Variants in TOP2A observed in about 807,000 individuals in gnomAD.
The protein encoded by TOP2A is DNA topoisomerase 2-alpha.
Under a neutral mutation model 187.2 loss-of-function variants are expected in TOP2A, and 68 were observed. The observed-to-expected ratio is 0.36, with a 90% CI of 0.30 to 0.44. TOP2A has a LOEUF of 0.44. Ranked by LOEUF, TOP2A falls within the 20% of genes least tolerant of loss-of-function variation. TOP2A has a pLI of 1.00. For missense variants in TOP2A, 1,196 were observed against 1,808.7 expected, an observed-to-expected ratio of 0.66 and a Z score of 6.14; for synonymous variants, 542 against 593.2, an observed-to-expected ratio of 0.91 and a Z score of 1.25.
chr17:40,407,912 T>G (rs2035267999), intron 12 of TOP2A, 55 bp downstream of exon 12: 5 of 1,510,262 alleles, frequency 3.3e-6, no homozygotes, highest in Non-Finnish European at 4.5e-6. Context: ...AATATAAGCA[T>G]AAAGTCTTGT....
chr17:40,403,375 A>G (rs1002068103), intron 19 of TOP2A, among the ~76,000 whole-genome samples: 2 of 152,160 alleles, frequency 1.3e-5, no homozygotes, highest in African/African-American at 2.4e-5. Flanking sequence ...TTTATTCTAT[A>G]GCTGTGTGTG....
chr17:40,416,696 A>T (rs1007802059), intron 2 of TOP2A, 44 bp downstream of exon 2: 3 of 1,590,968 alleles, frequency 1.9e-6, no homozygotes, highest in African/African-American at 2.7e-5. Flanking sequence ...AAGAGTATCC[A>T]TTTCAACTAC....
chr17:40,410,642 C>T (rs1482878128), intron 10 of TOP2A: 1 of 456,200 alleles, frequency 2.2e-6, no homozygotes, highest in Admixed American at 2.4e-5. Context: ...TTCTTATTGA[C>T]CGGATTAGAG....
Position 40,411,396 on chromosome 17 carries a change from CACA to C in TOP2A, c.1020_1022del (p.Val341del), listed in dbSNP as rs1162681310. 1.2e-6 allele frequency: 2 copies of C among 1,613,856 alleles called. No homozygotes were observed. The highest frequency in any genetic ancestry group is 1.3e-5 in the African/African-American group (1 of 75,034). ...CAACACCACCCTTGTTCTTCTTCTT[CACA>C]ACATCAACAAGTTTAGTCACAATCT... is the stretch of plus-strand genomic sequence containing the variant. On this transcript the variant is annotated inframe_deletion, in exon 9 of 35. Coordinates refer to ENST00000423485, the MANE Select transcript of TOP2A (RefSeq NM_001067.4). This position sits in a 1 kb window ranked among gnomAD's most constrained non-coding sequence, Gnocchi z 4.4.
intron 33 of TOP2A, chr17:40,391,286 T>A: frequency 2.2e-6 from 1 of 463,514 alleles, no homozygotes; most frequent in Admixed American, 4.2e-5. Flanking sequence ...GAACAAGGAG[T>A]TTGATCTGTA....
chr17:40,400,345 G>A lies in TOP2A; in HGVS notation c.2864C>T (p.Thr955Ile). 6.2e-7 allele frequency: 1 copy of A among 1,613,474 alleles called. No homozygotes were observed. Residue 955 changes from threonine to isoleucine, a missense_variant, in exon 23 of 35, where the codon ACA becomes ATA. By Grantham distance (89) the Thr-to-Ile change is moderately conservative. This residue lies in a region of TOP2A where 232 missense variants were observed against 306.1 expected (regional missense o/e 0.76). Transcript: ENST00000423485. ...ATCTGTATGGTATTCCCTATAGTCT[G>A]TTATGAGAGGAGGTGTCTTCTCGGT... The part of the protein sequence containing the change: ...NGTEKTPPLI[T>I]DYREYHTDTT...
intron 33 of TOP2A, 30 bp downstream of exon 33, chr17:40,391,476 C>T (rs1212286702): frequency 6.3e-7 from 1 of 1,595,520 alleles, no homozygotes; most frequent in African/African-American, 1.4e-5. Context: ...GTAATTGCAA[C>T]ATTAACCCAT....
rs2035162016 is a variant in TOP2A, at chr17:40,400,345, G to C, written c.2864C>G (p.Thr955Arg). The change falls in exon 23 of 35, where the codon ACA (threonine) becomes AGA (arginine). Residue 955 changes from threonine to arginine, a missense_variant. Thr to Arg is a moderately conservative substitution (Grantham distance 71). Around this residue, in one of 10 missense-constraint regions of TOP2A, gnomAD observed 232 missense variants for 306.1 expected, o/e 0.76. Coordinates refer to ENST00000423485, the MANE Select transcript of TOP2A (RefSeq NM_001067.4). ...ATCTGTATGGTATTCCCTATAGTCT[G>C]TTATGAGAGGAGGTGTCTTCTCGGT... ...NGTEKTPPLI[T>R]DYREYHTDTT... 1.9e-6 allele frequency: 3 copies of C among 1,613,474 alleles called. No homozygotes were observed. Among genetic ancestry groups the C allele is most frequent in the Non-Finnish European group, 2.5e-6 (3 of 1,179,778 alleles).
intron 13 of TOP2A, among the ~76,000 whole-genome samples, 180 bp from the exon 14 acceptor site, chr17:40,407,122 G>C (rs2035257973): frequency 6.6e-6 from 1 of 152,140 alleles, no homozygotes; most frequent in Admixed American, 6.6e-5. Flanking sequence ...AAATTAGTTG[G>C]GTGTGGTGGC....
chr17:40,406,792 G>A, intron 14 of TOP2A, 40 bp downstream of exon 14: 1 of 1,579,686 alleles, frequency 6.3e-7, no homozygotes, highest in Non-Finnish European at 8.7e-7. Flanking sequence ...GAGGAGTAGG[G>A]TCTTAAAATA....
At position 40,398,549 on chromosome 17, in the gene TOP2A, A is replaced by G. The variant is rs1385611039; in HGVS notation, c.3537+9T>C. The G allele has an allele frequency of 6.4e-7, 1 of 1,561,220 alleles. No individual in the cohort carries two copies. Among genetic ancestry groups the G allele is most frequent in the East Asian group, 2.3e-5 (1 of 42,900 alleles). Reference sequence around the variant, plus strand: ...AAAAATTCTAACATGGGCATTATAAACTACATACCTCCAATTCTTCAATAA... The same window carrying G: ...AAAAATTCTAACATGGGCATTATAAGCTACATACCTCCAATTCTTCAATAA... On this transcript the variant is annotated intron_variant, in intron 27 of 34. Transcript: ENST00000423485.
In TOP2A at chr17:40,390,110, G is replaced by A. The variant is rs868547366; in HGVS notation, c.4322C>T (p.Thr1441Ile). The A allele has an allele frequency of 1.2e-6, 2 of 1,613,812 alleles. No individual in the cohort carries two copies. The highest frequency in any genetic ancestry group is 1.1e-5 in the South Asian group (1 of 91,034). ...GAKKRAAPKGTKRDPALNSGV... is the reference protein window; with the variant it reads ...GAKKRAAPKGIKRDPALNSGV... ...AGAATTCAAAGCTGGATCCCTTTTA[G>A]TTCCTTTTGGGGCAGCCCTTTTTTT... is the stretch of plus-strand genomic sequence containing the variant. Residue 1441 changes from threonine to isoleucine, a missense_variant, in exon 34 of 35, where the codon ACT becomes ATT. By Grantham distance (89) the Thr-to-Ile change is moderately conservative. Transcript: ENST00000423485.
chr17:40,391,754 G>C (rs1483961392), intron 32 of TOP2A, 114 bp from the exon 33 acceptor site: 3 of 1,125,770 alleles, frequency 2.7e-6, no homozygotes, highest in Non-Finnish European at 3.6e-6. Context: ...TGACTTTTCT[G>C]GAATATTTAA....
intron 24 of TOP2A, among the ~76,000 whole-genome samples, chr17:40,399,598 G>A (rs991750241): frequency 1.3e-5 from 2 of 150,944 alleles, no homozygotes; most frequent in African/African-American, 4.9e-5. Context: ...TATTCTCTTG[G>A]TCAATCAGTT....
At position 40,400,262 on chromosome 17, in the gene TOP2A, C is replaced by T; in HGVS notation, c.2947G>A (p.Val983Ile). Residue 983 changes from valine to isoleucine, a missense_variant, in exon 23 of 35, where the codon GTT becomes ATT. Coordinates refer to ENST00000423485, the MANE Select transcript of TOP2A (RefSeq NM_001067.4). ...TEEKLAEAERVGLHKVFKLQT... is the reference protein window; with the variant it reads ...TEEKLAEAERIGLHKVFKLQT... ...AGTTTGAAGACTTTGTGTAGTCCAACTCTCTCTGCCTCTGCCAGTTTTTCT... is the reference window on the plus strand; with the variant it reads ...AGTTTGAAGACTTTGTGTAGTCCAATTCTCTCTGCCTCTGCCAGTTTTTCT... 1 of 1,613,848 alleles carries T rather than the reference C, an allele frequency of 6.2e-7. No homozygotes were observed.
At chr17:40,394,800 A>G (rs1329495982) in intron 29 of TOP2A, among the ~76,000 whole-genome samples, 1 of 152,240 alleles carries the variant, frequency 6.6e-6, no homozygotes, top group Non-Finnish European at 1.5e-5. Flanking sequence ...TGAACTCTAG[A>G]GATACTACAA....
chr17:40,391,357 T>A (rs1474030930), intron 33 of TOP2A, 149 bp downstream of exon 33: 2 of 781,346 alleles, frequency 2.6e-6, no homozygotes, highest in East Asian at 5.7e-5. Context: ...TAATTTTGAT[T>A]ATAAAGATCG....
In TOP2A at chr17:40,403,194, A is replaced by G. The variant is rs2035202267; in HGVS notation, c.2284-140T>C. 16 of 814,716 alleles carry G rather than the reference A, an allele frequency of 2.0e-5. No individual in the cohort carries two copies. In the South Asian group the frequency reaches 3.6e-4, roughly 18 times the overall value. 50.5% of individuals were successfully genotyped at this position (814,716 alleles called of 1,614,324 possible). A position where few individuals can be genotyped will look rare whatever the true frequency, so the allele number is the denominator to read the frequency against. On this transcript the variant is annotated intron_variant, in intron 19 of 34. Transcript: ENST00000423485. ...CCTCAGATTAATAGATGGCAGAAATAGTACTTGAACCTACAACTTCTGGCT... is the reference window on the plus strand; with the variant it reads ...CCTCAGATTAATAGATGGCAGAAATGGTACTTGAACCTACAACTTCTGGCT...
At position 40,402,898 on chromosome 17, in the gene TOP2A, A is replaced by G. The variant is rs1482431068; in HGVS notation, c.2432+8T>C. The G allele has an allele frequency of 1.9e-6, 3 of 1,590,484 alleles. No homozygotes were observed. The highest frequency in any genetic ancestry group is 1.8e-5 in the Admixed American group (1 of 56,918). ...TGGCAAGTCACTAGAAAGTGAAAGC[A>G]TACCTACCTGAGCATTGTAAAGATG... On this transcript the variant is annotated splice_region_variant and intron_variant, in intron 20 of 34. Transcript: ENST00000423485.
Sources: allele counts gnomAD v4.1 joint callset (sites outside exome capture counted in the v4.1 genomes callset), GRCh38; gene constraint gnomAD v4.1.1; regional missense constraint gnomAD v4.1.1; non-coding constraint Gnocchi (gnomAD v3.1); transcripts MANE v1.5; gene names NCBI Gene and HGNC (gene_info 2026-07-23, HGNC 2026-07-21).